VGLL1: variants seen among roughly 807,000 people sequenced by gnomAD.
The protein encoded by VGLL1 is vestigial like family member 1.
In VGLL1, 4 loss-of-function variants were observed where a neutral mutation model predicts 12.0. That is an observed-to-expected ratio of 0.33 (90% confidence interval 0.16 to 0.76). VGLL1 has a LOEUF of 0.76. Among genes scored for constraint, VGLL1 ranks in the 30% least tolerant of loss-of-function variants. VGLL1 has a pLI of 0.60. For synonymous variants in VGLL1, 87 were observed against 81.2 expected, an observed-to-expected ratio of 1.07 and a Z score of -0.39; for missense variants, 204 against 208.7, an observed-to-expected ratio of 0.98 and a Z score of 0.14.
At chrX:136,534,176 G>A (rs1164445272) in intron 1 of VGLL1, among the ~76,000 whole-genome samples, 1 of 112,505 alleles carries the variant, frequency 8.9e-6, no homozygotes, top group Non-Finnish European at 1.9e-5. Context: ...TACCTACAGT[G>A]AAATGCATAG....
chrX:136,548,801 G>A lies in VGLL1; in HGVS notation c.427G>A (p.Glu143Lys), dbSNP rs2075876755. Residue 143 changes from glutamate to lysine, a missense_variant, in exon 3 of 5, where the codon GAG becomes AAG. Coordinates refer to ENST00000370634, the MANE Select transcript of VGLL1 (RefSeq NM_016267.4). ...CTCCCTGGCGGGCACCAGCTCCTTA[G>A]AGCCTGGCTACTCTCATCCCTTCCC... ...FSSLAGTSSL[E>K]PGYSHPFPAR... The A allele has an allele frequency of 4.9e-6, 6 of 1,212,191 alleles. No homozygotes were observed. The highest frequency in any genetic ancestry group is 6.7e-6 in the Non-Finnish European group (6 of 895,636).
At chrX:136,554,278 G>A (rs1442798696) in intron 4 of VGLL1, among the ~76,000 whole-genome samples, 1 of 110,969 alleles carries the variant, frequency 9.0e-6, no homozygotes, top group Non-Finnish European at 1.9e-5. Context: ...TCAGGGACCT[G>A]AATGAAGTGA....
At position 136,536,175 on chromosome X, in the gene VGLL1, T is replaced by G; in HGVS notation, c.155T>G (p.Ile52Ser). The G allele has an allele frequency of 8.3e-7, 1 of 1,210,815 alleles. No individual in the cohort carries two copies. The highest frequency in any genetic ancestry group is 1.7e-5 in the African/African-American group (1 of 57,410). ...CACTTCTCCAGAGCTCTGAGCAATA[T>G]CAAGAGCCCCCAGGAATTGACCCCC... ...DEHFSRALSNIKSPQELTPSS... is the reference protein window; with the variant it reads ...DEHFSRALSNSKSPQELTPSS... Residue 52 changes from isoleucine to serine, a missense_variant, in exon 2 of 5, where the codon ATC becomes AGC. Physicochemically the swap from Ile to Ser is moderately radical, Grantham distance 142. Coordinates refer to ENST00000370634, the MANE Select transcript of VGLL1 (RefSeq NM_016267.4).
intron 4 of VGLL1, among the ~76,000 whole-genome samples, chrX:136,555,926 G>C (rs1569363572): frequency 9.0e-6 from 1 of 111,171 alleles, no homozygotes; most frequent in Non-Finnish European, 1.9e-5. Context: ...TGTTAGCTTA[G>C]TGTAATGTGC....
intron 3 of VGLL1, among the ~76,000 whole-genome samples, chrX:136,550,077 T>C (rs2075881483): frequency 8.9e-6 from 1 of 112,406 alleles, no homozygotes; most frequent in Admixed American, 9.4e-5. Flanking sequence ...GGAAAACAAA[T>C]TTCCCATTAA....
intron 1 of VGLL1, among the ~76,000 whole-genome samples, chrX:136,533,061 TG>T (rs1395172755): frequency 9.0e-6 from 1 of 111,518 alleles, no homozygotes; most frequent in Non-Finnish European, 1.9e-5. Context: ...AAGCTCCTCA[TG>T]TTTCTCCAGA....
At chrX:136,552,923 G>A (rs779983489) in intron 4 of VGLL1, among the ~76,000 whole-genome samples, 3 of 111,853 alleles carry the variant, frequency 2.7e-5, no homozygotes, top group South Asian at 7.5e-4. Flanking sequence ...AAGGAAGGGG[G>A]ATGCAGAAGG....
intron 1 of VGLL1, 140 bp downstream of exon 1, chrX:136,532,436 C>G (rs2075824927): frequency 9.0e-6 from 1 of 111,669 alleles, no homozygotes; most frequent in Non-Finnish European, 1.9e-5. Context: ...ATTGGTTTGA[C>G]AAACTAACCC....
At chrX:136,541,621 A>G (rs1396635243) in intron 2 of VGLL1, among the ~76,000 whole-genome samples, 1 of 111,780 alleles carries the variant, frequency 8.9e-6, no homozygotes, top group African/African-American at 3.3e-5. Context: ...ACTGACTGTT[A>G]GTATCCTCTC....
rs2075883640 is a variant in VGLL1 at position 136,550,815 on chromosome X, A to G, written c.682A>G (p.Asn228Asp). Residue 228 changes from asparagine to aspartate, a missense_variant, in exon 4 of 5, where the codon AAT (asparagine) becomes GAT (aspartate). Transcript: ENST00000370634. ...SRGSASTSLP[N>D]ETLSELETPG... ...TGGATCTGCCAGTACCAGCCTTCCAAATGAAAGTAGGTATCTGGGCCAGCC... is the reference window on the plus strand; with the variant it reads ...TGGATCTGCCAGTACCAGCCTTCCAGATGAAAGTAGGTATCTGGGCCAGCC... 3 of 1,205,242 alleles carry G rather than the reference A, an allele frequency of 2.5e-6. No homozygotes were observed. The highest frequency in any genetic ancestry group is 1.8e-5 in the South Asian group (1 of 56,422).
rs1473941558 is a variant in VGLL1, at chrX:136,556,648, A to G, written c.*109A>G. 4 of 697,517 alleles carry G rather than the reference A, an allele frequency of 5.7e-6. No homozygotes were observed. Among genetic ancestry groups the G allele is most frequent in the Non-Finnish European group, 6.5e-6 (3 of 458,774 alleles). 57.5% of individuals were successfully genotyped at this position (697,517 alleles called of 1,213,427 possible). ...CTGCTCACACCCACTTGCCTCCCCA[A>G]TCTGTTAAACAGCTTCGTGTCTAGT... On this transcript the variant is annotated 3_prime_UTR_variant, in exon 5 of 5. Coordinates refer to ENST00000370634, the MANE Select transcript of VGLL1 (RefSeq NM_016267.4).
Position 136,550,748 on chromosome X carries a change from G to A in VGLL1, c.635-20G>A, listed in dbSNP as rs2075883276. On this transcript the variant is annotated intron_variant, in intron 3 of 4. Transcript: ENST00000370634. ...TCCTAGAAATTTCAGTTCCAATAAT[G>A]TTTTCTTCTTCTTTTCTAGATAAGA... 1.7e-6 allele frequency: 2 copies of A among 1,195,680 alleles called. No homozygotes were observed. Among genetic ancestry groups the A allele is most frequent in the East Asian group, 6.0e-5 (2 of 33,538 alleles).
At position 136,556,714 on chromosome X, in the gene VGLL1, C is replaced by T. The variant is rs2075902349; in HGVS notation, c.*175C>T. 1 of 411,520 alleles carries T rather than the reference C, an allele frequency of 2.4e-6. No individual in the cohort carries two copies. The highest frequency in any genetic ancestry group is 4.6e-5 in the South Asian group (1 of 21,760). The allele number at this position is 411,520 out of a possible 1,213,427, so 33.9% of individuals were successfully genotyped here. ...GCCCTGTGAAAATCCCAGAAGCCCC[C>T]GCTGTCAATGTTCCCCATCCACACC... is the stretch of plus-strand genomic sequence containing the variant. On this transcript the variant is annotated 3_prime_UTR_variant, in exon 5 of 5. Transcript: ENST00000370634.
In VGLL1 at chrX:136,537,232, G is replaced by T. The variant is rs765434371; in HGVS notation, c.214+998G>T. Among the ~76,000 whole-genome samples, 4 of 110,463 alleles carry T rather than the reference G, an allele frequency of 3.6e-5. No homozygotes were observed. In the South Asian group the frequency reaches 1.6e-3, roughly 43 times the overall value. On this transcript the variant is annotated intron_variant, in intron 2 of 4. Transcript: ENST00000370634. ...AAAAAAATTTAAAGAAATTATTCAG[G>T]TGTGGTGGCTCATACCTATATCTCT... is the stretch of plus-strand genomic sequence containing the variant.
intron 2 of VGLL1, among the ~76,000 whole-genome samples, chrX:136,545,282 G>T (rs1056598608): frequency 2.3e-4 from 26 of 111,981 alleles, no homozygotes; most frequent in Non-Finnish European, 3.8e-4. Flanking sequence ...GGAAGGGTGT[G>T]TATGTGTGTG....
intron 1 of VGLL1, among the ~76,000 whole-genome samples, chrX:136,534,660 A>C (rs1234612417): frequency 1.8e-5 from 2 of 112,451 alleles, no homozygotes; most frequent in African/African-American, 3.2e-5. Context: ...TCTCTTGGCT[A>C]TGTGTACCTA....
intron 2 of VGLL1, among the ~76,000 whole-genome samples, chrX:136,536,533 TC>T (rs2075840372): frequency 9.0e-6 from 1 of 111,069 alleles, no homozygotes; most frequent in Non-Finnish European, 1.9e-5. Context: ...GCAAATCTCT[TC>T]CCTCCCTTCT....
At position 136,543,908 on chromosome X, in the gene VGLL1, C is replaced by T. The variant is rs199851459; in HGVS notation, c.215-4681C>T. 3.6e-5 allele frequency among the ~76,000 whole-genome samples: 4 copies of T among 112,252 alleles called. No individual in the cohort carries two copies. In the East Asian group the frequency reaches 1.1e-3, roughly 31 times the overall value. ...TGTGACTCGTTTTTTGGGAGCTTCA[C>T]GTGTCAAGTGGTTTCTTACGTTTTT... On this transcript the variant is annotated intron_variant, in intron 2 of 4. Transcript: ENST00000370634.
intron 2 of VGLL1, among the ~76,000 whole-genome samples, chrX:136,540,286 G>A (rs970651197): frequency 1.2e-4 from 13 of 111,227 alleles, no homozygotes; most frequent in Non-Finnish European, 2.3e-4. Context: ...CTGGGCCCCC[G>A]TTGTCTTACT....
Sources: allele counts gnomAD v4.1 joint callset (sites outside exome capture counted in the v4.1 genomes callset), GRCh38; gene constraint gnomAD v4.1.1; transcripts MANE v1.5; gene names NCBI Gene and HGNC (gene_info 2026-07-23, HGNC 2026-07-21).